MYO15B: variants seen among roughly 807,000 people sequenced by gnomAD.
The protein encoded by MYO15B is myosin XVB pseudogene.
A neutral mutation model predicts 119.3 loss-of-function variants in MYO15B; 207 were observed. The ratio of observed to expected loss-of-function variants is 1.73; its 90% CI spans 1.55 to 1.95. The LOEUF (loss-of-function observed/expected upper bound fraction) is 1.95, where lower values mean the gene tolerates loss of function less well. Ranked by LOEUF, MYO15B falls within the 30% of genes most tolerant of loss-of-function variation. The pLI is 0.00. For missense variants in MYO15B, 2,264 were observed against 1,203.1 expected (o/e 1.88, Z -13.04); for synonymous variants, 966 against 498.9 (o/e 1.94, Z -12.48).
intron 19 of MYO15B, among the ~76,000 whole-genome samples, chr17:75,605,234 G>A (rs1464182979): frequency 6.6e-5 from 10 of 151,778 alleles, no homozygotes; most frequent in Non-Finnish European, 1.2e-4. Flanking sequence ...TCAGGAGATC[G>A]AGACCATCCT....
Position 75,589,641 on chromosome 17 carries a change from C to G in MYO15B, c.1584C>G (p.Pro528=), listed in dbSNP as rs1042450810. 7.5e-5 allele frequency: 30 copies of G among 398,940 alleles called. No homozygotes were observed. In the Middle Eastern group the frequency reaches 2.5e-3, roughly 33 times the overall value. The allele number at this position is 398,940 out of a possible 1,614,324, so 24.7% of individuals were successfully genotyped here. A position where few individuals can be genotyped will look rare whatever the true frequency, so the allele number is the denominator to read the frequency against. The change falls in exon 1 of 64, where the codon CCC becomes CCG. Residue 528 remains proline, a synonymous_variant. Transcript: ENST00000645453. This position sits in a 1 kb window ranked among gnomAD's most constrained non-coding sequence, Gnocchi z 4.2. Reference sequence around the variant, plus strand: ...CGCAGGTCCCGACAAGCCCAGTCCCCGGCGACCCTTTTGATCAGGAGGACG... The same window carrying G: ...CGCAGGTCCCGACAAGCCCAGTCCCGGGCGACCCTTTTGATCAGGAGGACG...
Position 75,616,032 on chromosome 17 carries a change from G to A in MYO15B, c.6031-37G>A, listed in dbSNP as rs1005959850. 6 of 580,842 alleles carry A rather than the reference G, an allele frequency of 1.0e-5. No individual in the cohort carries two copies. In the Middle Eastern group the frequency reaches 1.3e-3, roughly 127 times the overall value. The allele number at this position is 580,842 out of a possible 1,614,324, so 36.0% of individuals were successfully genotyped here. ...AGGGGTGTGGCGAGTGTGGCACCCA[G>A]GCTGGCTGAGCTGCCACTCATTTCT... On this transcript the variant is annotated intron_variant, in intron 36 of 63. Transcript: ENST00000645453.
chr17:75,620,069 T>C (rs2058614939), intron 47 of MYO15B, 49 bp downstream of exon 47: 1 of 679,748 alleles, frequency 1.5e-6, no homozygotes, highest in South Asian at 1.6e-5. Context: ...CCCTCACCGA[T>C]GCTGCATCTC....
intron 19 of MYO15B, 149 bp downstream of exon 19, chr17:75,603,461 CCTCT>C (rs373339169): frequency 5.0e-5 from 29 of 582,000 alleles, no homozygotes; most frequent in African/African-American, 2.1e-4. Context: ...GTCCTCTCAT[CCTCT>C]CTCTCTCTCT....
chr17:75,622,347 C>A (rs1025276736), intron 53 of MYO15B, among the ~76,000 whole-genome samples: 1 of 152,160 alleles, frequency 6.6e-6, no homozygotes. Context: ...GGCTTTGTGG[C>A]AGAAGCCTTC....
chr17:75,614,632 C>T (rs1232261278), exon 31 of MYO15B: 3 of 700,938 alleles, frequency 4.3e-6, no homozygotes, highest in Admixed American at 4.0e-5. Context: ...CTCACTGCCC[C>T]CAGGACCCCC....
At chr17:75,626,198 C>A in exon 63 of MYO15B, 1 of 703,078 alleles carries the variant, frequency 1.4e-6, no homozygotes, top group African/African-American at 1.7e-5. Context: ...CAGCTGACAA[C>A]CCCCAGACCA....
At chr17:75,619,566 G>A (rs761933176) in intron 45 of MYO15B, 90 bp downstream of exon 45, 85 of 682,886 alleles carry the variant, frequency 1.2e-4, no homozygotes, top group Non-Finnish European at 2.0e-4. Context: ...AGGAGAGCCG[G>A]GGAGCAGACG....
intron 19 of MYO15B, 124 bp downstream of exon 19, chr17:75,603,436 TC>T (rs1182810970): frequency 6.5e-6 from 4 of 613,668 alleles, no homozygotes; most frequent in Non-Finnish European, 1.2e-5. Context: ...CACCCAACCC[TC>T]CCTCTCTCTC....
chr17:75,626,124 C>T (rs748599695), exon 63 of MYO15B: 11 of 702,958 alleles, frequency 1.6e-5, no homozygotes, highest in Middle Eastern at 2.3e-4. Context: ...GAGCCTGCAG[C>T]GGCTCCACCT....
intron 22 of MYO15B, 45 bp downstream of exon 22, chr17:75,610,304 C>A: frequency 1.5e-6 from 1 of 651,606 alleles, no homozygotes; most frequent in South Asian, 1.6e-5. Flanking sequence ...AGCCAGGCTG[C>A]CTGAGCTGGC....
Position 75,619,874 on chromosome 17 carries a change from CGCA to C in MYO15B, c.7302-2_7302del, listed in dbSNP as rs2148085249. The C allele has an allele frequency of 1.4e-6, 1 of 702,208 alleles. No homozygotes were observed. Among genetic ancestry groups the C allele is most frequent in the Non-Finnish European group, 2.6e-6 (1 of 384,536 alleles). The allele number at this position is 702,208 out of a possible 1,614,324, so 43.5% of individuals were successfully genotyped here. A position where few individuals can be genotyped will look rare whatever the true frequency, so the allele number is the denominator to read the frequency against. Reference sequence around the variant, plus strand: ...GACCTCAGTTCATGCCCGATCCCTGCGCAGCTTTGCGGAGGTGCTGGGTGTGGA... The same window carrying C: ...GACCTCAGTTCATGCCCGATCCCTGCGCTTTGCGGAGGTGCTGGGTGTGGA... On this transcript the variant is annotated splice_acceptor_variant and splice_polypyrimidine_tract_variant and intron_variant, in intron 46 of 63. Transcript: ENST00000645453. LOFTEE classifies it high-confidence loss of function.
At chr17:75,602,288 C>A in intron 15 of MYO15B, 1 of 659,436 alleles carries the variant, frequency 1.5e-6, no homozygotes, top group Non-Finnish European at 2.8e-6. Context: ...TAGGTTAAAG[C>A]CCCAGTGGGG....
In MYO15B at chr17:75,607,313, T is replaced by C. The variant is rs558839216; in HGVS notation, c.4292+1292T>C. Reference sequence around the variant, plus strand: ...TTCTAGATACTTCCTGTAAGTTGACTCATACAATATTTCCTTTTACGACTG... The same window carrying C: ...TTCTAGATACTTCCTGTAAGTTGACCCATACAATATTTCCTTTTACGACTG... On this transcript the variant is annotated intron_variant, in intron 21 of 63. Transcript: ENST00000645453. Among the ~76,000 whole-genome samples, 8 of 152,242 alleles carry C rather than the reference T, an allele frequency of 5.3e-5. No individual in the cohort carries two copies. In the South Asian group the frequency reaches 6.2e-4, roughly 12 times the overall value.
intron 31 of MYO15B, 39 bp downstream of exon 31, chr17:75,614,722 G>A: frequency 8.5e-6 from 6 of 702,714 alleles, no homozygotes; most frequent in Non-Finnish European, 1.0e-5. Flanking sequence ...GGCAGAGCAT[G>A]GGAAGCCCCA....
intron 29 of MYO15B, 147 bp from the exon 30 acceptor site, chr17:75,614,052 C>A (rs1366819865): frequency 1.6e-6 from 1 of 614,576 alleles, no homozygotes; most frequent in Admixed American, 2.6e-5. Context: ...GGGAGCAGCC[C>A]CCACTGCTGA....
intron 60 of MYO15B, 45 bp downstream of exon 60, chr17:75,625,283 A>C (rs1259389488): frequency 1.5e-6 from 1 of 666,248 alleles, no homozygotes; most frequent in South Asian, 1.6e-5. Flanking sequence ...CCCTTCTCTA[A>C]GGTCAAGGCC....
intron 14 of MYO15B, 99 bp from the exon 15 acceptor site, chr17:75,601,339 T>C (rs2057269512): frequency 3.2e-6 from 2 of 631,128 alleles, no homozygotes; most frequent in Admixed American, 2.5e-5. Flanking sequence ...CCTACCCTTA[T>C]AGTCAGTGTA....
rs1273305250 is a variant in MYO15B, at chr17:75,602,965, C to T, written c.3845+20C>T. ...GGGCAGGTAAGAACAGCGCCCGCCA[C>T]ACCAGACCCCAGGGAGTTGTATGGG... On this transcript the variant is annotated intron_variant, in intron 17 of 63. Transcript: ENST00000645453. The T allele has an allele frequency of 7.2e-6, 5 of 698,566 alleles. No homozygotes were observed. The East Asian group carries it at 1.1e-4, about 15-fold the overall frequency. 43.3% of individuals were successfully genotyped at this position (698,566 alleles called of 1,614,324 possible).
Sources: allele counts gnomAD v4.1 joint callset (sites outside exome capture counted in the v4.1 genomes callset), GRCh38; gene constraint gnomAD v4.1.1; non-coding constraint Gnocchi (gnomAD v3.1); transcripts MANE v1.5; gene names NCBI Gene and HGNC (gene_info 2026-07-23, HGNC 2026-07-21).